TMOD4: variants seen among roughly 807,000 people sequenced by gnomAD.
The protein encoded by TMOD4 is tropomodulin 4.
In TMOD4, 34 loss-of-function variants were observed where a neutral mutation model predicts 45.4. That is an observed-to-expected ratio of 0.75 (90% CI 0.57 to 1.00). The LOEUF (loss-of-function observed/expected upper bound fraction) is 1.00. Among genes scored for constraint, TMOD4 ranks in the 50% least tolerant of loss-of-function variants. The probability of loss-of-function intolerance (pLI) is 0.00; values close to 1 mark genes in which losing one functional copy is unlikely to be tolerated. For missense variants in TMOD4, 399 were observed against 437.5 expected (o/e 0.91, Z 0.78); for synonymous variants, 131 against 153.9 (o/e 0.85, Z 1.10).
chr1:151,171,654 C>T lies in TMOD4; in HGVS notation c.597G>A (p.Glu199=), dbSNP rs1049846538. 1 of 1,613,988 alleles carries T rather than the reference C, an allele frequency of 6.2e-7. No homozygotes were observed. Among genetic ancestry groups the T allele is most frequent in the Non-Finnish European group, 8.5e-7 (1 of 1,180,026 alleles). ...RVRSNDKELE[E]VNLNNIQDIP... ...ATACCTGTATATTATTCAAGTTCAC[C>T]TCCTCCAGCTCCTTGTCATTGCTTC... is the stretch of plus-strand genomic sequence containing the variant. Residue 199 remains glutamate (E), a synonymous_variant, in exon 6 of 10, where the codon GAG becomes GAA. Coordinates refer to ENST00000295314, the MANE Select transcript of TMOD4 (RefSeq NM_013353.3).
Position 151,170,054 on chromosome 1 carries a change from C to G in TMOD4, c.*27G>C. On this transcript the variant is annotated 3_prime_UTR_variant, in exon 10 of 10. Coordinates refer to ENST00000295314, the MANE Select transcript of TMOD4 (RefSeq NM_013353.3). ...GGATTTAAGTGTCCAGTGCTCCCAG[C>G]GCTAGTTGGTAAAGGGAAATGCAGT... The G allele has an allele frequency of 6.2e-7, 1 of 1,613,754 alleles. No individual in the cohort carries two copies. Among genetic ancestry groups the G allele is most frequent in the East Asian group, 2.2e-5 (1 of 44,880 alleles).
rs1319794028 is a variant in TMOD4, at chr1:151,173,526, T to G, written c.370A>C (p.Thr124Pro). ...PELEEALAHATDAEMCDIAAI... is the reference protein window; with the variant it reads ...PELEEALAHAPDAEMCDIAAI... ...GCAATGTCACACATTTCAGCATCTG[T>G]GGCATGTGCCAGTGCCTCCTCCAGC... Residue 124 changes from threonine (T) to proline (P), a missense_variant, in exon 4 of 10, where the codon ACA becomes CCA. Transcript: ENST00000295314. 6.2e-7 allele frequency: 1 copy of G among 1,614,028 alleles called. No homozygotes were observed. The highest frequency in any genetic ancestry group is 8.5e-7 in the Non-Finnish European group (1 of 1,180,006).
intron 5 of TMOD4, 73 bp from the exon 6 acceptor site, chr1:151,171,836 T>A: frequency 6.6e-7 from 1 of 1,513,432 alleles, no homozygotes; most frequent in Non-Finnish European, 8.8e-7. Flanking sequence ...TTCTTTTCTT[T>A]TCTTTTTTTT....
Position 151,172,326 on chromosome 1 carries a change from G to C in TMOD4, c.429C>G (p.Asn143Lys). ...AILDMYTLMS[N>K]KQYYDALCSG... ...TGCAGAGGGCATCATAGTATTGCTTGTTACTCATCAGTGTGTACATGTCCA... is the reference window on the plus strand; with the variant it reads ...TGCAGAGGGCATCATAGTATTGCTTCTTACTCATCAGTGTGTACATGTCCA... Residue 143 changes from asparagine to lysine, a missense_variant, in exon 5 of 10, where the codon AAC becomes AAG. Transcript: ENST00000295314. 1 of 1,613,806 alleles carries C rather than the reference G, an allele frequency of 6.2e-7. No homozygotes were observed. The highest frequency in any genetic ancestry group is 1.7e-5 in the Admixed American group (1 of 60,012).
chr1:151,174,346 C>T (rs778652553), intron 3 of TMOD4, 45 bp downstream of exon 3: 1 of 1,595,612 alleles, frequency 6.3e-7, no homozygotes, highest in Non-Finnish European at 8.6e-7. Context: ...AGAGACAGCA[C>T]AGCCACTTGG....
chr1:151,171,079 T>C lies in TMOD4; in HGVS notation c.727-16A>G. 1.2e-6 allele frequency: 2 copies of C among 1,613,496 alleles called. No individual in the cohort carries two copies. The highest frequency in any genetic ancestry group is 2.2e-5 in the South Asian group (2 of 91,034). The stretch of plus-strand genomic sequence containing the variant: ...CAGCCACTGCCTGGGTAGTAGGGAC[T>C]TGGGTTAGGATTAGGGAACAGTTTC... On this transcript the variant is annotated splice_polypyrimidine_tract_variant and intron_variant, in intron 7 of 9. Coordinates refer to ENST00000295314, the MANE Select transcript of TMOD4 (RefSeq NM_013353.3).
rs780847706 is a variant in TMOD4 at position 151,171,454 on chromosome 1, C to T, written c.705G>A (p.Arg235=). 1.2e-6 allele frequency: 2 copies of T among 1,614,114 alleles called. No homozygotes were observed. Among genetic ancestry groups the T allele is most frequent in the Middle Eastern group, 1.6e-4 (1 of 6,062 alleles). The change falls in exon 7 of 10, where the codon AGG becomes AGA. Residue 235 remains arginine, a synonymous_variant. Coordinates refer to ENST00000295314, the MANE Select transcript of TMOD4 (RefSeq NM_013353.3). ...TTACATTGGCAATGGGGTCACCACT[C>T]CTCGTGGCTACCAGACTGAAGCTCC... ...YVRSFSLVAT[R]SGDPIANAVA...
Position 151,170,080 on chromosome 1 carries a change from G to C in TMOD4, c.*1C>G, listed in dbSNP as rs371161010. On this transcript the variant is annotated 3_prime_UTR_variant, in exon 10 of 10. Coordinates refer to ENST00000295314, the MANE Select transcript of TMOD4 (RefSeq NM_013353.3). ...GCTAGTTGGTAAAGGGAAATGCAGTGTTATCTCTTCTTTTGCTGGCGACCT... is the reference window on the plus strand; with the variant it reads ...GCTAGTTGGTAAAGGGAAATGCAGTCTTATCTCTTCTTTTGCTGGCGACCT... 3 of 1,614,154 alleles carry C rather than the reference G, an allele frequency of 1.9e-6. No homozygotes were observed. Among genetic ancestry groups the C allele is most frequent in the Non-Finnish European group, 1.7e-6 (2 of 1,179,998 alleles).
At chr1:151,172,488 CCT>C (rs1232032288) in intron 4 of TMOD4, 131 bp from the exon 5 acceptor site, 13 of 657,220 alleles carry the variant, frequency 2.0e-5, no homozygotes, top group South Asian at 5.4e-5. Context: ...AGTTTCCCAC[CCT>C]CTTTCAGCCC....
In TMOD4 at chr1:151,170,059, G is replaced by C. The variant is rs765127214; in HGVS notation, c.*22C>G. The C allele has an allele frequency of 6.2e-7, 1 of 1,613,984 alleles. No individual in the cohort carries two copies. The highest frequency in any genetic ancestry group is 1.7e-5 in the Admixed American group (1 of 60,016). ...TAAGTGTCCAGTGCTCCCAGCGCTA[G>C]TTGGTAAAGGGAAATGCAGTGTTAT... On this transcript the variant is annotated 3_prime_UTR_variant, in exon 10 of 10. Coordinates refer to ENST00000295314, the MANE Select transcript of TMOD4 (RefSeq NM_013353.3).
intron 4 of TMOD4, 72 bp downstream of exon 4, chr1:151,173,427 A>G: frequency 2.6e-6 from 3 of 1,147,492 alleles, no homozygotes; most frequent in Non-Finnish European, 2.6e-6. Flanking sequence ...GGCCTTCCTC[A>G]CTAGTCCCAT....
chr1:151,173,388 C>CT (rs1572085411), intron 4 of TMOD4, 111 bp downstream of exon 4: 1 of 755,676 alleles, frequency 1.3e-6, no homozygotes, highest in African/African-American at 1.7e-5. Context: ...CTGCTTGACG[C>CT]TTTCTTAGAC....
chr1:151,170,156 C>T, intron 9 of TMOD4, 53 bp from the exon 10 acceptor site: 1 of 1,607,082 alleles, frequency 6.2e-7, no homozygotes, highest in Non-Finnish European at 8.5e-7. Flanking sequence ...CTGCTTTCTG[C>T]AAAGGCACTC....
At chr1:151,172,637 CT>C (rs587604481) in intron 4 of TMOD4, among the ~76,000 whole-genome samples, 45 of 152,152 alleles carry the variant, frequency 3.0e-4, no homozygotes, top group East Asian at 2.3e-3. Flanking sequence ...AATGGTTCCA[CT>C]TTTTTTCCCC....
At position 151,173,623 on chromosome 1, in the gene TMOD4, G is replaced by C. The variant is rs1456535531; in HGVS notation, c.281-8C>G. On this transcript the variant is annotated splice_polypyrimidine_tract_variant and splice_region_variant and intron_variant, in intron 3 of 9. Coordinates refer to ENST00000295314, the MANE Select transcript of TMOD4 (RefSeq NM_013353.3). ...GCTGAATATAGGGTTTCCCTGATGG[G>C]GAGATGAAGGATGGCTCAGGTAGAG... is the stretch of plus-strand genomic sequence containing the variant. 1 of 1,604,790 alleles carries C rather than the reference G, an allele frequency of 6.2e-7. No homozygotes were observed. Among genetic ancestry groups the C allele is most frequent in the South Asian group, 1.1e-5 (1 of 90,870 alleles).
intron 8 of TMOD4, 30 bp downstream of exon 8, chr1:151,170,890 A>C: frequency 6.2e-7 from 1 of 1,611,606 alleles, no homozygotes; most frequent in Non-Finnish European, 8.5e-7. Flanking sequence ...ATGAGACTGA[A>C]TGCTAACATC....
chr1:151,171,838 C>A, intron 5 of TMOD4, 75 bp from the exon 6 acceptor site: 2 of 1,299,996 alleles, frequency 1.5e-6, no homozygotes, highest in Non-Finnish European at 2.0e-6. Flanking sequence ...CTTTTCTTTT[C>A]TTTTTTTTTT....
intron 3 of TMOD4, 147 bp from the exon 4 acceptor site, chr1:151,173,762 T>C (rs1176134296): frequency 4.7e-6 from 3 of 643,420 alleles, no homozygotes; most frequent in African/African-American, 3.6e-5. Flanking sequence ...CAAGAGTCCT[T>C]AGCCCCCTGA....
Position 151,170,951 on chromosome 1 carries a change from G to A in TMOD4, c.839C>T (p.Ala280Val). 3 of 1,614,154 alleles carry A rather than the reference G, an allele frequency of 1.9e-6. No homozygotes were observed. Among genetic ancestry groups the A allele is most frequent in the Non-Finnish European group, 2.5e-6 (3 of 1,180,020 alleles). The change falls in exon 8 of 10, where the codon GCC (alanine) becomes GTC (valine). Residue 280 changes from alanine (A) to valine (V), a missense_variant. Physicochemically the swap from Ala to Val is moderately conservative, Grantham distance 64. Coordinates refer to ENST00000295314, the MANE Select transcript of TMOD4 (RefSeq NM_013353.3). ...MAVLKAVREN[A>V]TLTELRVDNQ... is the part of the protein sequence containing the mutation. ...GTCTACACGGAGCTCAGTGAGTGTGGCATTTTCCCGAACTGCCTTCAGCAC... is the reference window on the plus strand; with the variant it reads ...GTCTACACGGAGCTCAGTGAGTGTGACATTTTCCCGAACTGCCTTCAGCAC...
Sources: allele counts gnomAD v4.1 joint callset (sites outside exome capture counted in the v4.1 genomes callset), GRCh38; gene constraint gnomAD v4.1.1; transcripts MANE v1.5; gene names NCBI Gene and HGNC (gene_info 2026-07-23, HGNC 2026-07-21).